BARX2: variants seen among roughly 807,000 people sequenced by gnomAD.
BARX2 encodes BARX homeobox 2, also known as homeobox protein BarH-like 2.
A neutral mutation model predicts 25.5 loss-of-function variants in BARX2; 11 were observed. The observed-to-expected ratio is 0.43, with a 90% CI of 0.27 to 0.71. The LOEUF (loss-of-function observed/expected upper bound fraction) is 0.71. BARX2 is among the 30% of genes least tolerant of loss of function. The probability of loss-of-function intolerance (pLI) is 0.19; values close to 1 mark genes in which losing one functional copy is unlikely to be tolerated. For synonymous variants in BARX2, 137 were observed against 149.5 expected (o/e 0.92, Z 0.61); for missense variants, 360 against 359.9 (o/e 1.00, Z 0.00).
intron 1 of BARX2, among the ~76,000 whole-genome samples, chr11:129,432,155 C>T (rs147868768): frequency 0.012 from 1,778 of 152,124 alleles, 30 homozygotes; most frequent in African/African-American, 0.041. Flanking sequence ...CTCCGCCTCC[C>T]GGGTTCAAGG....
At chr11:129,419,756 G>A (rs1417355637) in intron 1 of BARX2, among the ~76,000 whole-genome samples, 1 of 151,956 alleles carries the variant, frequency 6.6e-6, no homozygotes, top group African/African-American at 2.4e-5. Flanking sequence ...CTCACCACAG[G>A]TGCAGCATTA....
At chr11:129,420,116 G>A (rs1313726007) in intron 1 of BARX2, among the ~76,000 whole-genome samples, 1 of 152,102 alleles carries the variant, frequency 6.6e-6, no homozygotes, top group African/African-American at 2.4e-5. Context: ...GAACAAATCA[G>A]TGTCAGTGTT....
intron 3 of BARX2, among the ~76,000 whole-genome samples, chr11:129,449,418 G>C (rs892867180): frequency 1.4e-5 from 2 of 146,642 alleles, no homozygotes; most frequent in Non-Finnish European, 3.0e-5. Flanking sequence ...AAGACAAGAA[G>C]ATTAGGCTAG....
intron 3 of BARX2, among the ~76,000 whole-genome samples, chr11:129,445,690 C>T (rs927990607): frequency 3.3e-5 from 5 of 152,096 alleles, no homozygotes; most frequent in African/African-American, 9.7e-5. Flanking sequence ...TGAGCCTGTC[C>T]ACCAGAAAAT....
At chr11:129,395,263 C>T in intron 1 of BARX2, among the ~76,000 whole-genome samples, 1 of 152,024 alleles carries the variant, frequency 6.6e-6, no homozygotes, top group East Asian at 1.9e-4. Context: ...TATTTAGTTC[C>T]CGTAGGCTGG....
intron 3 of BARX2, 73 bp downstream of exon 3, chr11:129,442,992 G>T: frequency 7.1e-7 from 1 of 1,400,744 alleles, no homozygotes; most frequent in Non-Finnish European, 1.0e-6. Context: ...TTGGGAGGGA[G>T]GCCGGACCAT....
At chr11:129,377,614 A>T (rs890497090) in intron 1 of BARX2, among the ~76,000 whole-genome samples, 4 of 152,272 alleles carry the variant, frequency 2.6e-5, no homozygotes, top group African/African-American at 9.6e-5. Flanking sequence ...ATTTGTGTAT[A>T]GGTGGTTGTG....
rs1591432685 is a variant in BARX2 at position 129,400,612 on chromosome 11, A to G, written c.187+24390A>G. On this transcript the variant is annotated intron_variant, in intron 1 of 3. Coordinates refer to ENST00000281437, the MANE Select transcript of BARX2 (RefSeq NM_003658.5). Reference sequence around the variant, plus strand: ...AGAAGGCTTGTGCCGTGGAGATTTTATTCTGTAGGCTCTGGGGAATCACTG... The same window carrying G: ...AGAAGGCTTGTGCCGTGGAGATTTTGTTCTGTAGGCTCTGGGGAATCACTG... Among the ~76,000 whole-genome samples, 4 of 152,316 alleles carry G rather than the reference A, an allele frequency of 2.6e-5. No individual in the cohort carries two copies. The Middle Eastern group carries it at 0.014, about 518-fold the overall frequency.
intron 1 of BARX2, among the ~76,000 whole-genome samples, chr11:129,433,623 G>A (rs149084924): frequency 1.3e-5 from 2 of 152,008 alleles, no homozygotes; most frequent in Non-Finnish European, 2.9e-5. Context: ...GGCCTTTAGG[G>A]CTTTGCCTGT....
Position 129,398,691 on chromosome 11 carries a change from T to C in BARX2, c.187+22469T>C, listed in dbSNP as rs151273936. Among the ~76,000 whole-genome samples the C allele has an allele frequency of 5.9e-5, 9 of 152,384 alleles. No homozygotes were observed. The East Asian group carries it at 1.7e-3, about 29-fold the overall frequency. On this transcript the variant is annotated intron_variant, in intron 1 of 3. Coordinates refer to ENST00000281437, the MANE Select transcript of BARX2 (RefSeq NM_003658.5). ...GAACCCTGTGTTTGAGTATTTTCGATTCTGGTTCATCCATCATTTGGTTAG... is the reference window on the plus strand; with the variant it reads ...GAACCCTGTGTTTGAGTATTTTCGACTCTGGTTCATCCATCATTTGGTTAG...
At chr11:129,412,128 C>T (rs1445798677) in intron 1 of BARX2, among the ~76,000 whole-genome samples, 6 of 151,916 alleles carry the variant, frequency 3.9e-5, no homozygotes, top group Non-Finnish European at 7.4e-5. Flanking sequence ...AAAAGTTAGC[C>T]GGGCATGGTG....
At chr11:129,432,058 A>AT (rs148945386) in intron 1 of BARX2, among the ~76,000 whole-genome samples, 9,988 of 151,838 alleles carry the variant, frequency 0.066, 371 homozygotes, top group Middle Eastern at 0.14. Context: ...TTAAGCAATT[A>AT]TTTTTAAAAA....
intron 1 of BARX2, among the ~76,000 whole-genome samples, chr11:129,414,896 T>G (rs538266163): frequency 6.6e-6 from 1 of 152,354 alleles, no homozygotes; most frequent in Admixed American, 6.5e-5. Flanking sequence ...TCAATAAAAC[T>G]CCTCAATAAT....
intron 1 of BARX2, among the ~76,000 whole-genome samples, chr11:129,401,215 T>G (rs1861771848): frequency 6.6e-6 from 1 of 152,220 alleles, no homozygotes; most frequent in Non-Finnish European, 1.5e-5. Flanking sequence ...AATAATATAG[T>G]CTTGCAAGAA....
chr11:129,402,728 C>G (rs1381755934), intron 1 of BARX2, among the ~76,000 whole-genome samples: 1 of 152,182 alleles, frequency 6.6e-6, no homozygotes, highest in East Asian at 1.9e-4. Context: ...TCTCAGGTTC[C>G]CAGCAGATCC....
At chr11:129,410,239 C>T (rs2135397758) in intron 1 of BARX2, among the ~76,000 whole-genome samples, 1 of 152,278 alleles carries the variant, frequency 6.6e-6, no homozygotes, top group East Asian at 1.9e-4. Context: ...GATCTTCCAG[C>T]TGTCTTCTAC....
chr11:129,434,797 C>T (rs1862170338), intron 1 of BARX2, among the ~76,000 whole-genome samples: 1 of 152,184 alleles, frequency 6.6e-6, no homozygotes, highest in Admixed American at 6.5e-5. Flanking sequence ...CTGTTTTATA[C>T]TCCCACCAAC....
intron 1 of BARX2, among the ~76,000 whole-genome samples, chr11:129,418,003 A>G (rs955184894): frequency 2.0e-5 from 3 of 152,074 alleles, no homozygotes; most frequent in Non-Finnish European, 4.4e-5. Flanking sequence ...CAGCTTATTG[A>G]CCTTATTTTT....
In BARX2 at chr11:129,438,754, C is replaced by T. The variant is rs184803704; in HGVS notation, c.488+1703C>T. On this transcript the variant is annotated intron_variant, in intron 2 of 3. Coordinates refer to ENST00000281437, the MANE Select transcript of BARX2 (RefSeq NM_003658.5). ...ACAGAAAGGGATCATGGGGAAGGAA[C>T]GACTACAGGAACAAAGACGCAGCAA... Among the ~76,000 whole-genome samples the T allele has an allele frequency of 2.6e-5, 4 of 152,240 alleles. No homozygotes were observed. The East Asian group carries it at 7.7e-4, about 29-fold the overall frequency.
Sources: allele counts gnomAD v4.1 joint callset (sites outside exome capture counted in the v4.1 genomes callset), GRCh38; gene constraint gnomAD v4.1.1; transcripts MANE v1.5; gene names NCBI Gene and HGNC (gene_info 2026-07-23, HGNC 2026-07-21).